DEFB124: variants seen among roughly 807,000 people sequenced by gnomAD.
DEFB124 encodes the protein defensin beta 124.
For missense variants in DEFB124, 78 were observed against 83.1 expected, an observed-to-expected ratio of 0.94 and a Z score of 0.24; for synonymous variants, 38 against 36.5, an observed-to-expected ratio of 1.04 and a Z score of -0.15.
intron 2 of DEFB124, among the ~76,000 whole-genome samples, chr20:31,470,552 G>C (rs553992850): frequency 6.9e-4 from 96 of 139,498 alleles, no homozygotes; most frequent in African/African-American, 2.4e-3. Flanking sequence ...TGGCCGGGCG[G>C]GGGGCTGACC....
chr20:31,465,718 C>G (rs1394531067), intron 2 of DEFB124, 55 bp from the exon 3 acceptor site: 2 of 1,588,738 alleles, frequency 1.3e-6, no homozygotes, highest in East Asian at 4.5e-5. Context: ...CACGTTAGAC[C>G]ACTGGTCACA....
rs201742635 is a variant in DEFB124, at chr20:31,473,020, G to A, written c.-7C>T. ...ACAGAAGCAGCTGTGTCATGGCCAC[G>A]GGGCTCCTGGGGAGGCTGCTGGAGA... On this transcript the variant is annotated 5_prime_UTR_variant, in exon 2 of 3. Coordinates refer to ENST00000317676, the MANE Select transcript of DEFB124 (RefSeq NM_001037500.2). 736 of 1,613,894 alleles carry A rather than the reference G, an allele frequency of 4.6e-4. 5 individuals are homozygous for A. The East Asian group carries it at 8.4e-3, about 19-fold the overall frequency.
At chr20:31,471,087 C>A (rs1404600909) in intron 2 of DEFB124, among the ~76,000 whole-genome samples, 1 of 123,140 alleles carries the variant, frequency 8.1e-6, no homozygotes, top group African/African-American at 3.1e-5. Context: ...GGACGTGGGG[C>A]TGACCCCCCC....
At chr20:31,471,352 G>A (rs1241804938) in intron 2 of DEFB124, among the ~76,000 whole-genome samples, 3 of 12,342 alleles carry the variant, frequency 2.4e-4, no homozygotes, top group Non-Finnish European at 4.2e-4. Flanking sequence ...GCGGCTGGCC[G>A]GGCGGGGGCT....
chr20:31,471,188 AC>A (rs1980281045), intron 2 of DEFB124, among the ~76,000 whole-genome samples: 1 of 98,538 alleles, frequency 1.0e-5, no homozygotes, highest in African/African-American at 4.0e-5. Context: ...CGGGGGGCTG[AC>A]TCCCCCACCT....
At chr20:31,468,148 C>T (rs1349118402) in intron 2 of DEFB124, among the ~76,000 whole-genome samples, 1 of 152,176 alleles carries the variant, frequency 6.6e-6, no homozygotes, top group Admixed American at 6.5e-5. Flanking sequence ...GCACTCTCTT[C>T]CTCATATCTT....
rs1183260954 is a variant in DEFB124, at chr20:31,471,156, C to T, written c.58+1800G>A. Among the ~76,000 whole-genome samples the T allele has an allele frequency of 3.6e-5, 5 of 137,738 alleles. No homozygotes were observed. In the East Asian group the frequency reaches 1.2e-3, roughly 32 times the overall value. The allele number at this position is 137,738 out of a possible 152,430, so 90.4% of individuals were successfully genotyped here. ...GGGGGTTGACCCCCCCACCTCCCTCCCGGACGAGGCGGCTGGCTGGGCGGG... is the reference window on the plus strand; with the variant it reads ...GGGGGTTGACCCCCCCACCTCCCTCTCGGACGAGGCGGCTGGCTGGGCGGG... On this transcript the variant is annotated intron_variant, in intron 2 of 2. Coordinates refer to ENST00000317676, the MANE Select transcript of DEFB124 (RefSeq NM_001037500.2).
At chr20:31,470,444 T>C (rs1980221331) in intron 2 of DEFB124, among the ~76,000 whole-genome samples, 1 of 119,136 alleles carries the variant, frequency 8.4e-6, no homozygotes, top group African/African-American at 3.2e-5. Context: ...GCCCCCCACC[T>C]CCCTCCCGGA....
chr20:31,471,382 C>T (rs1427701400), intron 2 of DEFB124, among the ~76,000 whole-genome samples: 2 of 116,248 alleles, frequency 1.7e-5, no homozygotes, highest in Non-Finnish European at 3.6e-5. Flanking sequence ...ACCTCCCTCC[C>T]GGACGGGGCG....
intron 2 of DEFB124, among the ~76,000 whole-genome samples, chr20:31,468,915 T>C (rs7269400): frequency 0.46 from 69,563 of 151,972 alleles, 19,795 homozygotes; most frequent in African/African-American, 0.82. Context: ...AGTTTGAGAC[T>C]AGCCTGAGCA....
intron 2 of DEFB124, among the ~76,000 whole-genome samples, chr20:31,467,182 G>T (rs1387470412): frequency 6.6e-6 from 1 of 152,202 alleles, no homozygotes; most frequent in Non-Finnish European, 1.5e-5. Context: ...TGAGTGGGAG[G>T]TGGAGGGGAA....
At chr20:31,471,616 GC>G (rs1213532975) in intron 2 of DEFB124, among the ~76,000 whole-genome samples, 1 of 148,964 alleles carries the variant, frequency 6.7e-6, no homozygotes, top group Non-Finnish European at 1.5e-5. Flanking sequence ...CGGGGTGGCT[GC>G]CGGGCAGAGG....
chr20:31,470,602 G>A (rs1461761377), intron 2 of DEFB124, among the ~76,000 whole-genome samples: 1 of 110,812 alleles, frequency 9.0e-6, no homozygotes, highest in African/African-American at 4.8e-5. Flanking sequence ...CGGGCGGGGG[G>A]CTGACCCCCC....
chr20:31,469,966 C>T (rs1980188632), intron 2 of DEFB124, among the ~76,000 whole-genome samples: 1 of 150,496 alleles, frequency 6.6e-6, no homozygotes, highest in Admixed American at 6.6e-5. Flanking sequence ...CTGTTGGGTA[C>T]ACCTCCCAGA....
chr20:31,469,447 T>C (rs1340550793), intron 2 of DEFB124, among the ~76,000 whole-genome samples: 1 of 152,186 alleles, frequency 6.6e-6, no homozygotes, highest in Admixed American at 6.5e-5. Context: ...ATCTTTTTTT[T>C]TTTTAATTTT....
chr20:31,472,277 CCTGCAAT>C (rs1292180601), intron 2 of DEFB124, among the ~76,000 whole-genome samples: 1 of 152,210 alleles, frequency 6.6e-6, no homozygotes, highest in Non-Finnish European at 1.5e-5. Context: ...GTGGCGCGCG[CCTGCAAT>C]CGCAGGCACT....
At chr20:31,470,699 G>A (rs1339621319) in intron 2 of DEFB124, among the ~76,000 whole-genome samples, 1 of 137,778 alleles carries the variant, frequency 7.3e-6, no homozygotes, top group South Asian at 2.3e-4. Flanking sequence ...CTGGCTGGGC[G>A]GGGGGCTGAC....
intron 2 of DEFB124, among the ~76,000 whole-genome samples, chr20:31,471,294 G>T (rs1467040927): frequency 8.1e-6 from 1 of 124,196 alleles, no homozygotes; most frequent in Non-Finnish European, 1.7e-5. Flanking sequence ...CGGACGGGGC[G>T]GCTGGCCGGG....
At chr20:31,470,440 C>G (rs868689301) in intron 2 of DEFB124, among the ~76,000 whole-genome samples, 1 of 140,070 alleles carries the variant, frequency 7.1e-6, no homozygotes, top group Admixed American at 6.9e-5. Flanking sequence ...CTGAGCCCCC[C>G]ACCTCCCTCC....
Sources: allele counts gnomAD v4.1 joint callset (sites outside exome capture counted in the v4.1 genomes callset), GRCh38; gene constraint gnomAD v4.1.1; transcripts MANE v1.5; gene names NCBI Gene and HGNC (gene_info 2026-07-23, HGNC 2026-07-21).